SMYD2: variants seen among roughly 807,000 people sequenced by gnomAD.
SMYD2 encodes the protein N-lysine methyltransferase SMYD2.
A neutral mutation model predicts 59.1 loss-of-function variants in SMYD2; 53 were observed. The ratio of observed to expected loss-of-function variants is 0.90; its 90% CI spans 0.72 to 1.13. The LOEUF (loss-of-function observed/expected upper bound fraction) is 1.13. SMYD2 is among the 50% of genes most tolerant of loss of function. The pLI is 0.00. For missense variants in SMYD2, 494 were observed against 544.7 expected, an observed-to-expected ratio of 0.91 and a Z score of 0.93; for synonymous variants, 208 against 198.8, an observed-to-expected ratio of 1.05 and a Z score of -0.39.
rs1282850805 is a variant in SMYD2, at chr1:214,328,725, G to A, written c.705+1001G>A. On this transcript the variant is annotated intron_variant, in intron 7 of 11. Transcript: ENST00000366957. ...TCTGGAAGGCACTCACTAATCCACA[G>A]CTGCACTGGGAGCTGAAGCCCAAGA... 2.6e-5 allele frequency among the ~76,000 whole-genome samples: 4 copies of A among 152,328 alleles called. No individual in the cohort carries two copies. In the East Asian group the frequency reaches 7.7e-4, roughly 29 times the overall value.
chr1:214,319,175 G>A (rs1025434791), intron 5 of SMYD2, among the ~76,000 whole-genome samples, 192 bp downstream of exon 5: 1 of 152,156 alleles, frequency 6.6e-6, no homozygotes, highest in African/African-American at 2.4e-5. Flanking sequence ...GGTCCCCTCT[G>A]CTGGCCCTCA....
chr1:214,288,307 A>G (rs575579212), intron 1 of SMYD2, among the ~76,000 whole-genome samples: 1 of 152,254 alleles, frequency 6.6e-6, no homozygotes, highest in African/African-American at 2.4e-5. Context: ...TCCATTTTAC[A>G]TAGAAAGAAA....
chr1:214,297,462 A>G (rs1049274925), intron 1 of SMYD2, among the ~76,000 whole-genome samples: 3 of 152,172 alleles, frequency 2.0e-5, no homozygotes, highest in Non-Finnish European at 4.4e-5. Flanking sequence ...AATGCTTTGT[A>G]TAGTCCTACA....
intron 1 of SMYD2, among the ~76,000 whole-genome samples, chr1:214,299,606 C>T (rs189097263): frequency 6.6e-6 from 1 of 152,014 alleles, no homozygotes; most frequent in Admixed American, 6.6e-5. Context: ...ACCTCATGTT[C>T]TCACTTCTTT....
intron 5 of SMYD2, among the ~76,000 whole-genome samples, chr1:214,323,654 T>C (rs1657207632): frequency 6.6e-6 from 1 of 152,214 alleles, no homozygotes; most frequent in East Asian, 1.9e-4. Flanking sequence ...TTGGCCAGAC[T>C]GGTCTTGAAC....
Position 214,314,865 on chromosome 1 carries a change from C to G in SMYD2, c.341C>G (p.Ala114Gly), listed in dbSNP as rs763276980. 6.2e-7 allele frequency: 1 copy of G among 1,612,338 alleles called. No homozygotes were observed. The highest frequency in any genetic ancestry group is 8.5e-7 in the Non-Finnish European group (1 of 1,178,654). ...ETVRLTARILAKQKIHPERTP... is the reference protein window; with the variant it reads ...ETVRLTARILGKQKIHPERTP... ...GTAAGACTAACAGCAAGGATTCTGG[C>G]CAAACAGGTGAGGAAATGGGACAAT... Residue 114 changes from alanine to glycine, a missense_variant, in exon 3 of 12, where the codon GCC becomes GGC. Physicochemically the swap from Ala to Gly is moderately conservative, Grantham distance 60. Transcript: ENST00000366957.
At position 214,336,764 on chromosome 1, in the gene SMYD2, C is replaced by T. The variant is rs759264764; in HGVS notation, c.1282C>T (p.Gln428Ter). The T allele has an allele frequency of 6.2e-7, 1 of 1,613,500 alleles. No individual in the cohort carries two copies. Among genetic ancestry groups the T allele is most frequent in the South Asian group, 1.1e-5 (1 of 90,980 alleles). ...TCATCCATATATTTCTGAGATCAAA[C>T]AGGAAATTGAAAGCCACTGAAACTA... ...KDHPYISEIK[Q>*]EIESH The change falls in exon 12 of 12, where the codon CAG becomes TAG. Residue 428 changes from glutamine to a stop codon, truncating the protein, a stop_gained. Transcript: ENST00000366957. LOFTEE classifies it high-confidence loss of function.
rs370961529 is a variant in SMYD2 at position 214,318,748 on chromosome 1, G to GTT, written c.410-100_410-99dup. The GTT allele has an allele frequency of 4.8e-4, 479 of 1,005,078 alleles. No individual in the cohort carries two copies. The highest frequency in any genetic ancestry group is 2.4e-3 in the South Asian group (129 of 52,844). The allele number at this position is 1,005,078 out of a possible 1,614,324, so 62.3% of individuals were successfully genotyped here. A position where few individuals can be genotyped will look rare whatever the true frequency, so the allele number is the denominator to read the frequency against. ...TGGGGGTTCAACATGTTAGTTTTGG[G>GTT]TTTTTTTTTTTTCGCCCGTTCCTTT... On this transcript the variant is annotated intron_variant, in intron 4 of 11. Coordinates refer to ENST00000366957, the MANE Select transcript of SMYD2 (RefSeq NM_020197.3). The surrounding 1 kb of genome is among the most constrained non-coding windows in gnomAD (Gnocchi z 5.4).
At chr1:214,330,463 A>G (rs1005540307) in intron 8 of SMYD2, among the ~76,000 whole-genome samples, 185 bp downstream of exon 8, 2 of 152,218 alleles carry the variant, frequency 1.3e-5, no homozygotes, top group East Asian at 1.9e-4. Flanking sequence ...CCTAGTAGCT[A>G]AAGAAAACAT....
At chr1:214,335,279 G>C (rs901232922) in intron 11 of SMYD2, among the ~76,000 whole-genome samples, 2 of 152,226 alleles carry the variant, frequency 1.3e-5, no homozygotes, top group African/African-American at 4.8e-5. Context: ...AGGGAGCACA[G>C]AACAAAATTT....
intron 1 of SMYD2, among the ~76,000 whole-genome samples, chr1:214,293,356 A>G (rs775978520): frequency 2.6e-5 from 4 of 151,916 alleles, no homozygotes; most frequent in Non-Finnish European, 5.9e-5. Flanking sequence ...ACCCGGTCCA[A>G]AGCTTTTTCT....
Position 214,299,465 on chromosome 1 carries a change from T to TTATATATATATATATATATATATATA in SMYD2, c.174-5704_174-5703insTATATATATATATATATATATATATA, listed in dbSNP as rs756823866. 6.1e-3 allele frequency among the ~76,000 whole-genome samples: 436 copies of TTATATATATATATATATATATATATA among 71,064 alleles called. 8 individuals carry two copies. The highest frequency in any genetic ancestry group is 0.017 in the Middle Eastern group (3 of 172). 46.6% of individuals were successfully genotyped at this position (71,064 alleles called of 152,430 possible). ...AACAGTGAACTGGATAAAGAAAACA[T>TTATATATATATATATATATATATATA]TATATATATATATATATACACCATA... On this transcript the variant is annotated intron_variant, in intron 1 of 11. Transcript: ENST00000366957.
At chr1:214,317,506 T>G (rs1269957644) in intron 3 of SMYD2, among the ~76,000 whole-genome samples, 1 of 152,234 alleles carries the variant, frequency 6.6e-6, no homozygotes, top group African/African-American at 2.4e-5. Flanking sequence ...TTTGAACTCT[T>G]GTCAACACCA....
rs1027986620 is a variant in SMYD2 at position 214,281,896 on chromosome 1, C to G, written c.173+469C>G. ...CCTGCCTCAGATTGGCCGTTTCTTC[C>G]AAGGAATTTAATGACTTAGTATATG... On this transcript the variant is annotated intron_variant, in intron 1 of 11. Coordinates refer to ENST00000366957, the MANE Select transcript of SMYD2 (RefSeq NM_020197.3). Among the ~76,000 whole-genome samples the G allele has an allele frequency of 2.0e-5, 3 of 152,208 alleles. No homozygotes were observed. The East Asian group carries it at 5.8e-4, about 29-fold the overall frequency.
chr1:214,318,748 GTTTTT>G lies in SMYD2; in HGVS notation c.410-103_410-99del, dbSNP rs370961529. 2 of 1,008,246 alleles carry G rather than the reference GTTTTT, an allele frequency of 2.0e-6. No individual in the cohort carries two copies. Among genetic ancestry groups the G allele is most frequent in the East Asian group, 6.6e-5 (2 of 30,520 alleles). 62.5% of individuals were successfully genotyped at this position (1,008,246 alleles called of 1,614,324 possible). A position where few individuals can be genotyped will look rare whatever the true frequency, so the allele number is the denominator to read the frequency against. Reference sequence around the variant, plus strand: ...TGGGGGTTCAACATGTTAGTTTTGGGTTTTTTTTTTTTCGCCCGTTCCTTTCCTCT... The same window carrying G: ...TGGGGGTTCAACATGTTAGTTTTGGGTTTTTTTCGCCCGTTCCTTTCCTCT... On this transcript the variant is annotated intron_variant, in intron 4 of 11. Coordinates refer to ENST00000366957, the MANE Select transcript of SMYD2 (RefSeq NM_020197.3). The surrounding 1 kb of genome is among the most constrained non-coding windows in gnomAD (Gnocchi z 5.4).
chr1:214,314,830 C>T lies in SMYD2; in HGVS notation c.306C>T (p.Pro102=). Residue 102 remains proline, a synonymous_variant, in exon 3 of 12, where the codon CCC becomes CCT. Transcript: ENST00000366957. ...PMVVFGENWN[P]SETVRLTARI... ...TTGTTTTTGGGGAAAACTGGAATCC[C>T]TCGGAGACTGTAAGACTAACAGCAA... 6.2e-7 allele frequency: 1 copy of T among 1,614,106 alleles called. No individual in the cohort carries two copies. Among genetic ancestry groups the T allele is most frequent in the Non-Finnish European group, 8.5e-7 (1 of 1,179,994 alleles).
At position 214,288,701 on chromosome 1, in the gene SMYD2, ATGT is replaced by A. The variant is rs556375011; in HGVS notation, c.173+7279_173+7281del. ...ATTTTATGCTGATATGGACTTAAAC[ATGT>A]TGTTTTTATTATAATGCTTTGAAAT... On this transcript the variant is annotated intron_variant, in intron 1 of 11. Coordinates refer to ENST00000366957, the MANE Select transcript of SMYD2 (RefSeq NM_020197.3). Among the ~76,000 whole-genome samples the A allele has an allele frequency of 9.0e-4, 137 of 152,354 alleles. 1 individual carries two copies. The highest frequency in any genetic ancestry group is 6.8e-3 in the Middle Eastern group (2 of 294).
At chr1:214,334,423 C>T in intron 11 of SMYD2, 115 bp downstream of exon 11, 2 of 951,394 alleles carry the variant, frequency 2.1e-6, no homozygotes, top group Non-Finnish European at 1.7e-6. Flanking sequence ...GCAGCTCTCA[C>T]CCACCCTCTT....
chr1:214,281,159 A>ACCCCGCCC lies in SMYD2; in HGVS notation c.-92_-85dup, dbSNP rs1441587352. The ACCCCGCCC allele has an allele frequency of 1.1e-6, 1 of 926,270 alleles. No individual in the cohort carries two copies. Among genetic ancestry groups the ACCCCGCCC allele is most frequent in the Non-Finnish European group, 1.4e-6 (1 of 725,928 alleles). The allele number at this position is 926,270 out of a possible 1,614,324, so 57.4% of individuals were successfully genotyped here. A position where few individuals can be genotyped will look rare whatever the true frequency, so the allele number is the denominator to read the frequency against. On this transcript the variant is annotated 5_prime_UTR_variant, in exon 1 of 12. Coordinates refer to ENST00000366957, the MANE Select transcript of SMYD2 (RefSeq NM_020197.3). ...CCGCCGCGTCCGCCGGGCGGCTCCC[A>ACCCCGCCC]CCCCGCCCCCCGCAGCTCTAGGTGA...
Sources: gnomAD v4.1 joint callset for allele counts (sites outside exome capture counted in the v4.1 genomes callset) on GRCh38, gnomAD v4.1.1 for gene constraint, Gnocchi (gnomAD v3.1) non-coding constraint, MANE v1.5 for transcripts, NCBI Gene and HGNC (gene_info 2026-07-23, HGNC 2026-07-21) for gene names.